The following CHD8 variants were observed in gnomAD, a reference collection of about 807,000 sequenced individuals.
CHD8 encodes ATP-dependent chromatin remodeler CHD8.
A neutral mutation model predicts 279.2 loss-of-function variants in CHD8; 31 were observed. That is an observed-to-expected ratio of 0.11 (90% CI 0.08 to 0.15). CHD8 has a LOEUF of 0.15. Ranked by LOEUF, CHD8 falls within the 10% of genes least tolerant of loss-of-function variation. The pLI is 1.00. For synonymous variants in CHD8, 1,081 were observed against 1,139.6 expected (o/e 0.95, Z 1.04); for missense variants, 2,146 against 3,230.5 (o/e 0.66, Z 8.14).
chr14:21,389,365 C>T (rs774563831), intron 37 of CHD8, among the ~76,000 whole-genome samples: 2 of 151,102 alleles, frequency 1.3e-5, no homozygotes, highest in Non-Finnish European at 2.9e-5. Context: ...AATCCCAGTA[C>T]TTCGGGAGGC....
intron 1 of CHD8, among the ~76,000 whole-genome samples, chr14:21,451,444 G>A (rs147448799): frequency 0.015 from 2,260 of 151,420 alleles, 50 homozygotes; most frequent in African/African-American, 0.053. Flanking sequence ...GGTGGCACGC[G>A]CCTATAGTCC....
At position 21,410,593 on chromosome 14, in the gene CHD8, T is replaced by C. The variant is rs1480607870; in HGVS notation, c.2227-605A>G. ...TTCAACTACAGTAAGTACTAGTTTA[T>C]GTAGGTATTCCACTGAAAGTGAAGG... On this transcript the variant is annotated intron_variant, in intron 10 of 37. Coordinates refer to ENST00000646647, the MANE Select transcript of CHD8 (RefSeq NM_001170629.2). Among the ~76,000 whole-genome samples, 3 of 152,250 alleles carry C rather than the reference T, an allele frequency of 2.0e-5. No individual in the cohort carries two copies. The East Asian group carries it at 5.8e-4, about 29-fold the overall frequency.
intron 1 of CHD8, among the ~76,000 whole-genome samples, chr14:21,441,790 G>A (rs893512771): frequency 1.4e-4 from 21 of 152,226 alleles, no homozygotes; most frequent in Non-Finnish European, 3.1e-4. Flanking sequence ...TAGGGAGGCT[G>A]AGGCAGGAGA....
At chr14:21,392,199 G>C (rs781394216) in intron 34 of CHD8, 3 of 758,698 alleles carry the variant, frequency 4.0e-6, no homozygotes, top group Non-Finnish European at 7.2e-6. Context: ...ACCCAAGTTA[G>C]GGTAAAACTC....
chr14:21,404,439 G>A (rs913886965), intron 16 of CHD8, among the ~76,000 whole-genome samples: 1 of 149,476 alleles, frequency 6.7e-6, no homozygotes, highest in Non-Finnish European at 1.5e-5. Context: ...ATCCTCAGAT[G>A]TGTCATACAA....
intron 37 of CHD8, among the ~76,000 whole-genome samples, chr14:21,386,576 G>A (rs1356434790): frequency 8.5e-5 from 13 of 152,202 alleles, no homozygotes; most frequent in Admixed American, 2.6e-4. Flanking sequence ...GGTGGCTCAC[G>A]CCTGTAATCC....
chr14:21,404,906 A>T, intron 16 of CHD8: 2 of 282,300 alleles, frequency 7.1e-6, no homozygotes. Context: ...ATCTCGGCTC[A>T]CTGCAACCTC....
chr14:21,394,222 T>G (rs1490133231), intron 31 of CHD8, 27 bp from the exon 32 acceptor site: 1 of 1,611,136 alleles, frequency 6.2e-7, no homozygotes, highest in Non-Finnish European at 8.5e-7. Flanking sequence ...TAGAAGAAAT[T>G]AACAGAGTTG....
chr14:21,385,708 A>G lies in CHD8; in HGVS notation c.7651T>C (p.Ser2551Pro). ...CTTTCTGAGCTATCATAGCCCTGAG[A>G]TAAGTCATCATCATCTTCTTCATCC... is the stretch of plus-strand genomic sequence containing the variant. ...DEDEEDDDDL[S>P]QGYDSSERDF... is the part of the protein sequence containing the mutation. Residue 2551 changes from serine (S) to proline (P), a missense_variant, in exon 38 of 38, where the codon TCT becomes CCT. By Grantham distance (74) the Ser-to-Pro change is moderately conservative. This residue lies in a region of CHD8 where 336 missense variants were observed against 392.9 expected (regional missense o/e 0.86). Transcript: ENST00000646647. The G allele has an allele frequency of 6.4e-7, 1 of 1,551,874 alleles. No individual in the cohort carries two copies. The highest frequency in any genetic ancestry group is 8.7e-7 in the Non-Finnish European group (1 of 1,147,008).
chr14:21,451,783 A>G (rs1265117908), intron 1 of CHD8, among the ~76,000 whole-genome samples: 1 of 152,006 alleles, frequency 6.6e-6, no homozygotes, highest in Admixed American at 6.6e-5. Context: ...CTAAGGGCCT[A>G]GTGAAGGATG....
chr14:21,394,941 T>C lies in CHD8; in HGVS notation c.5361A>G (p.Lys1787=). Residue 1787 remains lysine, a synonymous_variant, in exon 30 of 38, where the codon AAA becomes AAG. Transcript: ENST00000646647. ...GTTGTTTCTCCCGCCGTGCAATTTCTTTCAGCTTGAAGGCTGCTTCACAAC... is the reference window on the plus strand; with the variant it reads ...GTTGTTTCTCCCGCCGTGCAATTTCCTTCAGCTTGAAGGCTGCTTCACAAC... ...RRRCEAAFKL[K]EIARREKQQR... is the part of the protein sequence containing the mutation. 1.9e-6 allele frequency: 3 copies of C among 1,614,040 alleles called. No homozygotes were observed. Among genetic ancestry groups the C allele is most frequent in the Non-Finnish European group, 1.7e-6 (2 of 1,179,886 alleles).
chr14:21,408,915 A>T lies in CHD8; in HGVS notation c.2365-90T>A. ...AAGTTCTAATAGTTAAAATCAATTC[A>T]AAACAACATTGTTTGGATTAAAACA... On this transcript the variant is annotated intron_variant, in intron 11 of 37. Transcript: ENST00000646647. This position sits in a 1 kb window ranked among gnomAD's most constrained non-coding sequence, Gnocchi z 4.3. 1 of 1,288,278 alleles carries T rather than the reference A, an allele frequency of 7.8e-7. No individual in the cohort carries two copies. The highest frequency in any genetic ancestry group is 1.1e-6 in the Non-Finnish European group (1 of 935,606). 79.8% of individuals were successfully genotyped at this position (1,288,278 alleles called of 1,614,324 possible). A position where few individuals can be genotyped will look rare whatever the true frequency, so the allele number is the denominator to read the frequency against.
Position 21,400,789 on chromosome 14 carries a change from G to T in CHD8, c.4370+86C>A. On this transcript the variant is annotated intron_variant, in intron 22 of 37. Coordinates refer to ENST00000646647, the MANE Select transcript of CHD8 (RefSeq NM_001170629.2). The surrounding 1 kb of genome is among the most constrained non-coding windows in gnomAD (Gnocchi z 4.2). ...TCACATTATCCCTTCTTTGATCATA[G>T]CCCCCAATTTGAAAGGCAAACCAAG... 2 of 1,381,276 alleles carry T rather than the reference G, an allele frequency of 1.4e-6. No individual in the cohort carries two copies. The highest frequency in any genetic ancestry group is 2.0e-6 in the Non-Finnish European group (2 of 1,014,174). The allele number at this position is 1,381,276 out of a possible 1,614,324, so 85.6% of individuals were successfully genotyped here.
chr14:21,414,255 T>C, intron 9 of CHD8, 46 bp downstream of exon 9: 4 of 958,546 alleles, frequency 4.2e-6, no homozygotes, highest in Non-Finnish European at 6.6e-6. Context: ...CCCAGTAATT[T>C]GTGCTTCTGT....
chr14:21,391,050 C>T lies in CHD8; in HGVS notation c.7079G>A (p.Arg2360His), dbSNP rs1887513652. The change falls in exon 37 of 38, where the codon CGC (arginine) becomes CAC (histidine). Residue 2360 changes from arginine to histidine, a missense_variant. Transcript: ENST00000646647. Reference protein sequence around the residue: ...DPRFLAYMEDRRKQKWQRCKK... With the variant: ...DPRFLAYMEDHRKQKWQRCKK... ...ACATCTTTGCCACTTCTGTTTTCTG[C>T]GATCCTCCATATACTGCAATAGAAA... 6 of 1,578,762 alleles carry T rather than the reference C, an allele frequency of 3.8e-6. No individual in the cohort carries two copies. The highest frequency in any genetic ancestry group is 2.3e-5 in the East Asian group (1 of 44,218).
At chr14:21,428,300 T>C (rs755428002) in intron 3 of CHD8, 46 bp from the exon 4 acceptor site, 12 of 1,579,902 alleles carry the variant, frequency 7.6e-6, no homozygotes, top group African/African-American at 1.4e-5. Context: ...TGTAGTTAAA[T>C]GGCCTAAATA....
Position 21,440,044 on chromosome 14 carries a change from T to A in CHD8, c.-215-8186A>T, listed in dbSNP as rs922862257. 4.6e-5 allele frequency among the ~76,000 whole-genome samples: 7 copies of A among 152,222 alleles called. No homozygotes were observed. The East Asian group carries it at 5.8e-4, about 13-fold the overall frequency. On this transcript the variant is annotated intron_variant, in intron 1 of 37. Coordinates refer to ENST00000646647, the MANE Select transcript of CHD8 (RefSeq NM_001170629.2). The stretch of plus-strand genomic sequence containing the variant: ...CATAATCCCTACCCTCAACTCACAG[T>A]AAGTAAGAGTGCATTTGTGTATGTA...
intron 35 of CHD8, 38 bp from the exon 36 acceptor site, chr14:21,391,680 T>A: frequency 6.4e-7 from 1 of 1,561,974 alleles, no homozygotes; most frequent in South Asian, 1.2e-5. Flanking sequence ...GCACATACTC[T>A]TCTTTGGGGG....
At chr14:21,395,433 G>T in intron 28 of CHD8, 81 bp from the exon 29 acceptor site, 1 of 945,426 alleles carries the variant, frequency 1.1e-6, no homozygotes, top group Non-Finnish European at 1.7e-6. Context: ...ACTTTCTTGT[G>T]TGTGTCCTTC....
Sources: allele counts gnomAD v4.1 joint callset (sites outside exome capture counted in the v4.1 genomes callset), GRCh38; gene constraint gnomAD v4.1.1; regional missense constraint gnomAD v4.1.1; non-coding constraint Gnocchi (gnomAD v3.1); transcripts MANE v1.5; gene names NCBI Gene and HGNC (gene_info 2026-07-23, HGNC 2026-07-21).